The following HOMER2 variants were observed in gnomAD, a reference collection of about 807,000 sequenced individuals.
HOMER2 encodes homer protein homolog 2.
In HOMER2, 27 loss-of-function variants were observed where a neutral mutation model predicts 47.0. That is an observed-to-expected ratio of 0.57 (90% CI 0.42 to 0.79). The LOEUF (loss-of-function observed/expected upper bound fraction) is 0.79. Ranked by LOEUF, HOMER2 falls within the 30% of genes least tolerant of loss-of-function variation. The pLI is 0.00. For missense variants in HOMER2, 443 were observed against 435.0 expected (o/e 1.02, Z -0.16); for synonymous variants, 161 against 163.8 (o/e 0.98, Z 0.13).
At chr15:82,961,221 A>G (rs1014866323) in intron 1 of HOMER2, among the ~76,000 whole-genome samples, 3 of 152,210 alleles carry the variant, frequency 2.0e-5, no homozygotes, top group African/African-American at 7.2e-5. Context: ...CACACAAAGC[A>G]AGAGGCTGGT....
intron 3 of HOMER2, among the ~76,000 whole-genome samples, chr15:82,868,539 A>ATTTTTTTTT (rs1481856091): frequency 1.6e-5 from 1 of 62,432 alleles, no homozygotes; most frequent in Non-Finnish European, 3.4e-5. Context: ...ATATATATAT[A>ATTTTTTTTT]TATTTTTTTT....
At chr15:82,975,571 G>T (rs1285980997) in intron 1 of HOMER2, among the ~76,000 whole-genome samples, 1 of 152,174 alleles carries the variant, frequency 6.6e-6, no homozygotes. Flanking sequence ...ACCATAGATG[G>T]AACAGGAGGT....
Position 82,851,186 on chromosome 15 carries a change from T to C in HOMER2, c.808A>G (p.Met270Val). 9 of 1,574,930 alleles carry C rather than the reference T, an allele frequency of 5.7e-6. No individual in the cohort carries two copies. The highest frequency in any genetic ancestry group is 7.8e-6 in the Non-Finnish European group (9 of 1,158,342). ...TCAGAGACATATTCGCACTCTGACA[T>C]GAGCTGAGGTATGATTTCACTTTGT... ...RKQSEIIPQL[M>V]SECEYVSEKL... The change falls in exon 8 of 9, where the codon ATG becomes GTG. Residue 270 changes from methionine to valine, a missense_variant. Met to Val is a conservative substitution (Grantham distance 21). Transcript: ENST00000450735.
intron 3 of HOMER2, among the ~76,000 whole-genome samples, chr15:82,867,878 C>T (rs2052026133): frequency 6.6e-6 from 1 of 152,096 alleles, no homozygotes; most frequent in Non-Finnish European, 1.5e-5. Context: ...ACACTGGAAA[C>T]AACCCAGTGG....
At chr15:82,879,840 G>A (rs181654001) in intron 2 of HOMER2, among the ~76,000 whole-genome samples, 210 of 152,232 alleles carry the variant, frequency 1.4e-3, no homozygotes, top group Middle Eastern at 0.01. Flanking sequence ...ACCTACAGTA[G>A]AACTTGCAAA....
chr15:82,902,221 C>T (rs556241626), intron 1 of HOMER2, among the ~76,000 whole-genome samples: 3 of 120,346 alleles, frequency 2.5e-5, no homozygotes, highest in Non-Finnish European at 3.6e-5. Flanking sequence ...TTTTTGAGAC[C>T]GAGTCTCTCT....
intron 2 of HOMER2, 38 bp from the exon 3 acceptor site, chr15:82,875,442 T>C (rs1459615872): frequency 1.8e-5 from 29 of 1,609,118 alleles, no homozygotes; most frequent in Non-Finnish European, 2.3e-5. Context: ...AATTTAAATG[T>C]TGAATGAGAC....
intron 5 of HOMER2, among the ~76,000 whole-genome samples, chr15:82,858,407 C>T (rs1029027062): frequency 2.0e-5 from 3 of 152,120 alleles, no homozygotes; most frequent in African/African-American, 7.2e-5. Flanking sequence ...ATCCTCCCAA[C>T]TGAGCCACCA....
chr15:82,943,134 C>G (rs957643915), intron 1 of HOMER2, among the ~76,000 whole-genome samples: 41 of 152,200 alleles, frequency 2.7e-4, no homozygotes, highest in African/African-American at 9.9e-4. Flanking sequence ...ACTTGGCCAT[C>G]ATTTACTATT....
intron 1 of HOMER2, among the ~76,000 whole-genome samples, chr15:82,912,091 T>C (rs1436610567): frequency 6.6e-6 from 1 of 152,192 alleles, no homozygotes; most frequent in African/African-American, 2.4e-5. Context: ...AAGTTATTTG[T>C]ATTGAGATAT....
chr15:82,879,174 C>A (rs2052444975), intron 2 of HOMER2, among the ~76,000 whole-genome samples: 1 of 152,200 alleles, frequency 6.6e-6, no homozygotes, highest in African/African-American at 2.4e-5. Flanking sequence ...TTCCTTTCAT[C>A]TATTTTGTCC....
At chr15:82,841,615 A>G (rs1397282235) in exon 2 of HOMER2, 1 of 152,222 alleles carries the variant, frequency 6.6e-6, no homozygotes, top group Non-Finnish European at 1.5e-5. Flanking sequence ...GTACCAGTCA[A>G]TGTGATGAGT....
At chr15:82,954,699 G>T (rs1416335845), upstream of HOMER2, among the ~76,000 whole-genome samples, 1 of 152,036 alleles carries the variant, frequency 6.6e-6, no homozygotes, top group Non-Finnish European at 1.5e-5. Context: ...TAGGTATATC[G>T]ATATAAAATA....
intron 1 of HOMER2, among the ~76,000 whole-genome samples, chr15:82,897,990 G>A (rs1188791287): frequency 6.6e-6 from 1 of 152,324 alleles, no homozygotes; most frequent in East Asian, 1.9e-4. Context: ...CAATAGAAGA[G>A]ACACTGTCCT....
At chr15:82,854,865 G>A in intron 5 of HOMER2, 65 bp from the exon 6 acceptor site, 3 of 1,557,328 alleles carry the variant, frequency 1.9e-6, no homozygotes, top group Non-Finnish European at 2.6e-6. Context: ...CGCCCGCGTG[G>A]GGAAGGGGAC....
intron 2 of HOMER2, among the ~76,000 whole-genome samples, chr15:82,881,133 C>T (rs959047385): frequency 2.2e-4 from 34 of 152,344 alleles, no homozygotes; most frequent in African/African-American, 6.0e-4. Flanking sequence ...CTTCTTCTTG[C>T]GTGAGTCATC....
chr15:82,936,136 C>T (rs1388695610), intron 1 of HOMER2, among the ~76,000 whole-genome samples: 2 of 152,296 alleles, frequency 1.3e-5, no homozygotes, highest in Non-Finnish European at 2.9e-5. Context: ...TCCAGACATC[C>T]CCCTCCTACT....
chr15:82,891,246 G>T (rs2052696066), intron 2 of HOMER2, among the ~76,000 whole-genome samples: 1 of 152,106 alleles, frequency 6.6e-6, no homozygotes, highest in African/African-American at 2.4e-5. Context: ...ACCCGCCCCG[G>T]CCTACAAAGC....
At chr15:82,948,615 T>G (rs906687560) in intron 1 of HOMER2, among the ~76,000 whole-genome samples, 1 of 151,948 alleles carries the variant, frequency 6.6e-6, no homozygotes, top group East Asian at 1.9e-4. Flanking sequence ...AGGTGGGTGC[T>G]CTAGACAGGA....
Sources: allele counts gnomAD v4.1 joint callset (sites outside exome capture counted in the v4.1 genomes callset), GRCh38; gene constraint gnomAD v4.1.1; transcripts MANE v1.5; gene names NCBI Gene and HGNC (gene_info 2026-07-23, HGNC 2026-07-21).